Variants in RAD51C observed in about 807,000 individuals in gnomAD.
The protein encoded by RAD51C is DNA repair protein RAD51 homolog 3.
RAD51C carries 42 observed loss-of-function variants against 45.0 expected under a neutral mutation model. That is an observed-to-expected ratio of 0.93 (90% CI 0.73 to 1.21). The LOEUF (loss-of-function observed/expected upper bound fraction) is 1.21, where lower values mean the gene tolerates loss of function less well. RAD51C is among the 50% of genes most tolerant of loss of function. RAD51C has a pLI of 0.00. For synonymous variants in RAD51C, 172 were observed against 159.8 expected (o/e 1.08, Z -0.58); for missense variants, 474 against 452.2 (o/e 1.05, Z -0.44).
At chr17:58,699,899 G>A (rs2048152302) in intron 3 of RAD51C, 3 of 152,102 alleles carry the variant, frequency 2.0e-5, no homozygotes, top group Non-Finnish European at 4.4e-5. Context: ...GCCCGGGCTG[G>A]AGTGCAGTGG....
intron 5 of RAD51C, among the ~76,000 whole-genome samples, chr17:58,711,584 C>A (rs1377319163): frequency 6.6e-6 from 1 of 152,048 alleles, no homozygotes; most frequent in Non-Finnish European, 1.5e-5. Flanking sequence ...CCTCAGCCTC[C>A]CTAGTAGCTG....
upstream of RAD51C, chr17:58,692,596 GAGGGC>G: frequency 6.2e-7 from 1 of 1,610,540 alleles, no homozygotes; most frequent in Non-Finnish European, 8.5e-7. Context: ...ACGCCCCAGC[GAGGGC>G]GTGCGGAGTT....
At chr17:58,730,756 A>AT (rs1193225853) in intron 7 of RAD51C, among the ~76,000 whole-genome samples, 1 of 152,110 alleles carries the variant, frequency 6.6e-6, no homozygotes, top group Non-Finnish European at 1.5e-5. Context: ...TAGAATCTGT[A>AT]TTTTTTAGAT....
At chr17:58,711,028 C>CT (rs2048540474) in intron 5 of RAD51C, among the ~76,000 whole-genome samples, 2 of 152,272 alleles carry the variant, frequency 1.3e-5, no homozygotes, top group Admixed American at 1.3e-4. Flanking sequence ...TTAAAGCATA[C>CT]TTTTTTCTTT....
At chr17:58,705,682 T>A (rs1452387503) in intron 4 of RAD51C, among the ~76,000 whole-genome samples, 1 of 152,152 alleles carries the variant, frequency 6.6e-6, no homozygotes, top group Non-Finnish European at 1.5e-5. Flanking sequence ...TAGGGTCCCA[T>A]CTTTATGAAC....
intron 3 of RAD51C, among the ~76,000 whole-genome samples, chr17:58,702,927 T>C (rs2048259541): frequency 6.6e-6 from 1 of 152,100 alleles, no homozygotes; most frequent in Non-Finnish European, 1.5e-5. Context: ...ATATACCTAA[T>C]ATAAATGACG....
chr17:58,711,937 C>T (rs1056945471), intron 5 of RAD51C, among the ~76,000 whole-genome samples: 1 of 151,976 alleles, frequency 6.6e-6, no homozygotes, highest in Non-Finnish European at 1.5e-5. Flanking sequence ...TGGTAACTCA[C>T]ACCTGTAATC....
chr17:58,718,515 C>T (rs948472316), intron 5 of RAD51C, among the ~76,000 whole-genome samples: 7 of 152,114 alleles, frequency 4.6e-5, no homozygotes, highest in Middle Eastern at 3.2e-3. Flanking sequence ...CAGCCTTAAA[C>T]GCTTTTGTTT....
chr17:58,692,995 T>C (rs2047837673), intron 1 of RAD51C: 1 of 686,770 alleles, frequency 1.5e-6, no homozygotes, highest in African/African-American at 1.8e-5. Context: ...CATTTACTAA[T>C]TGCTTTTCCT....
chr17:58,729,558 T>C (rs1293749972), intron 7 of RAD51C, among the ~76,000 whole-genome samples: 4 of 151,528 alleles, frequency 2.6e-5, no homozygotes, highest in Non-Finnish European at 5.9e-5. Context: ...CCTTTGACTT[T>C]AGGATTCTTT....
rs373000264 is a variant in RAD51C at position 58,714,658 on chromosome 17, T to C, written c.837+4668T>C. On this transcript the variant is annotated intron_variant, in intron 5 of 8. Coordinates refer to ENST00000337432, the MANE Select transcript of RAD51C (RefSeq NM_058216.3). ...TATTTTTAGTAGAGATGGGTTTCACTGTGTTAGCCAGGATGGTCTCGATCT... is the reference window on the plus strand; with the variant it reads ...TATTTTTAGTAGAGATGGGTTTCACCGTGTTAGCCAGGATGGTCTCGATCT... 1.5e-3 allele frequency among the ~76,000 whole-genome samples: 234 copies of C among 152,000 alleles called. 7 individuals are homozygous for C. In the South Asian group the frequency reaches 0.047, roughly 30 times the overall value.
intron 2 of RAD51C, among the ~76,000 whole-genome samples, chr17:58,696,235 A>G (rs2048000739): frequency 6.6e-6 from 1 of 152,130 alleles, no homozygotes; most frequent in South Asian, 2.1e-4. Flanking sequence ...GATCGAGACC[A>G]TCCTGGCTAA....
rs2047954842 is a variant in RAD51C at position 58,695,122 on chromosome 17, G to T, written c.337G>T (p.Gly113Cys). 1 of 1,614,058 alleles carries T rather than the reference G, an allele frequency of 6.2e-7. No homozygotes were observed. The highest frequency in any genetic ancestry group is 8.5e-7 in the Non-Finnish European group (1 of 1,180,012). ...TTCAGCACTAGATGATATTCTTGGG[G>T]GTGGAGTGCCCTTAATGAAAACAAC... ...FCSALDDILG[G>C]GVPLMKTTEI... is the part of the protein sequence containing the mutation. Residue 113 changes from glycine to cysteine, a missense_variant, in exon 2 of 9, where the codon GGT (glycine) becomes TGT (cysteine). Transcript: ENST00000337432.
chr17:58,699,170 C>G (rs1162585611), intron 3 of RAD51C, among the ~76,000 whole-genome samples: 2 of 151,732 alleles, frequency 1.3e-5, no homozygotes, highest in Non-Finnish European at 2.9e-5. Context: ...CAATGCCCGG[C>G]TAATTTTTTG....
intron 8 of RAD51C, among the ~76,000 whole-genome samples, chr17:58,733,296 G>A (rs897717147): frequency 4.6e-5 from 7 of 152,262 alleles, no homozygotes; most frequent in Middle Eastern, 3.4e-3. Flanking sequence ...GATTACAGGC[G>A]TGAGCCACCG....
intron 7 of RAD51C, among the ~76,000 whole-genome samples, chr17:58,724,685 C>T (rs1293881624): frequency 2.6e-5 from 4 of 151,946 alleles, no homozygotes; most frequent in African/African-American, 4.8e-5. Context: ...GTTTTTAAAG[C>T]TGCTGAGCAA....
rs539721314 is a variant in RAD51C at position 58,734,555 on chromosome 17, A to G, written c.*333A>G. 247 of 327,682 alleles carry G rather than the reference A, an allele frequency of 7.5e-4. No individual in the cohort carries two copies. The highest frequency in any genetic ancestry group is 5.0e-3 in the African/African-American group (229 of 45,472). 20.3% of individuals were successfully genotyped at this position (327,682 alleles called of 1,614,324 possible). ...CCTTTCTTTCCCAGTTGCCTATAAA[A>G]TCTTAGGAAGAAACATATCATATTC... On this transcript the variant is annotated 3_prime_UTR_variant, in exon 9 of 9. Coordinates refer to ENST00000337432, the MANE Select transcript of RAD51C (RefSeq NM_058216.3).
intron 1 of RAD51C, chr17:58,694,101 A>G (rs2047904500): frequency 1.3e-5 from 2 of 152,234 alleles, no homozygotes; most frequent in South Asian, 2.1e-4. Context: ...ATTCTTTAAA[A>G]TGCTTGTGCC....
intron 3 of RAD51C, chr17:58,699,912 C>T (rs2048153211): frequency 6.6e-6 from 1 of 152,028 alleles, no homozygotes; most frequent in Non-Finnish European, 1.5e-5. Flanking sequence ...TGCAGTGGCG[C>T]AATCTTGGCT....
Sources: gnomAD v4.1 joint callset for allele counts (sites outside exome capture counted in the v4.1 genomes callset) on GRCh38, gnomAD v4.1.1 for gene constraint, MANE v1.5 for transcripts, NCBI Gene and HGNC (gene_info 2026-07-23, HGNC 2026-07-21) for gene names.